Variants in SYNE1 observed in about 807,000 individuals in gnomAD.
SYNE1 encodes nesprin-1.
A neutral mutation model predicts 1,111.0 loss-of-function variants in SYNE1; 616 were observed. The ratio of observed to expected loss-of-function variants is 0.55; its 90% CI spans 0.52 to 0.59. The LOEUF (loss-of-function observed/expected upper bound fraction) is 0.59. SYNE1 is among the 20% of genes least tolerant of loss of function. SYNE1 has a pLI of 0.00. For missense variants in SYNE1, 10,006 were observed against 10,417.0 expected (o/e 0.96, Z 1.72); for synonymous variants, 3,855 against 3,825.8 (o/e 1.01, Z -0.28).
chr6:152,511,638 T>C (rs368029045), intron 6 of SYNE1: 1 of 1,575,104 alleles, frequency 6.3e-7, no homozygotes, highest in African/African-American at 1.4e-5. Flanking sequence ...ACATAAATCA[T>C]CTTTCAAAAT....
At chr6:152,447,722 G>C in intron 28 of SYNE1, 100 bp from the exon 29 acceptor site, 1 of 1,390,596 alleles carries the variant, frequency 7.2e-7, no homozygotes, top group Non-Finnish European at 1.0e-6. Context: ...AGGTGGAGCA[G>C]AATAGAGCCA....
rs774806488 is a variant in SYNE1 at position 152,520,411 on chromosome 6, A to G, written c.309+48T>C. 8.1e-5 allele frequency: 128 copies of G among 1,588,366 alleles called. 1 individual carries two copies. The Admixed American group carries it at 2.1e-3, about 26-fold the overall frequency. On this transcript the variant is annotated intron_variant, in intron 6 of 145. Transcript: ENST00000367255. ...AGGAGCCAATACTGAAAACATAAGT[A>G]TGCCCACACCTTCTTCCTTGGGCAT... is the stretch of plus-strand genomic sequence containing the variant.
At chr6:152,432,394 C>G (rs549921178) in intron 34 of SYNE1, among the ~76,000 whole-genome samples, 174 of 152,132 alleles carry the variant, frequency 1.1e-3, no homozygotes, top group Non-Finnish European at 1.9e-3. Context: ...CAGTGTATTC[C>G]ACTGTAACTT....
intron 104 of SYNE1, 90 bp downstream of exon 104, chr6:152,254,790 C>T (rs2090419499): frequency 8.3e-7 from 1 of 1,199,816 alleles, no homozygotes; most frequent in South Asian, 1.3e-5. Flanking sequence ...TTTAGAAAAA[C>T]AACAACCAGG....
At chr6:152,450,569 G>T in intron 27 of SYNE1, 56 bp downstream of exon 27, 2 of 1,401,924 alleles carry the variant, frequency 1.4e-6, no homozygotes, top group Non-Finnish European at 2.0e-6. Flanking sequence ...CATGATCTCC[G>T]AACTAACAGA....
intron 127 of SYNE1, 39 bp downstream of exon 127, chr6:152,201,785 C>G: frequency 6.2e-7 from 1 of 1,613,780 alleles, no homozygotes; most frequent in Non-Finnish European, 8.5e-7. Context: ...CCAGCAGAGG[C>G]ACACAGGTGA....
intron 131 of SYNE1, among the ~76,000 whole-genome samples, chr6:152,160,189 G>A (rs1484051642): frequency 1.3e-5 from 2 of 152,088 alleles, no homozygotes; most frequent in Non-Finnish European, 2.9e-5. Context: ...TGTATTTTTA[G>A]TAGAGACGGG....
At chr6:152,386,598 G>T (rs1252306365) in intron 54 of SYNE1, among the ~76,000 whole-genome samples, 1 of 152,096 alleles carries the variant, frequency 6.6e-6, no homozygotes, top group African/African-American at 2.4e-5. Flanking sequence ...GAATTGGAAA[G>T]ATATTTTTGA....
Position 152,218,348 on chromosome 6 carries a change from C to G in SYNE1, c.22100G>C (p.Trp7367Ser). ...TAGTATTTCTTCAGCTTCCACTATCCAGGCCTCCAAAGCTTCTAAACTCTT... is the reference window on the plus strand; with the variant it reads ...TAGTATTTCTTCAGCTTCCACTATCGAGGCCTCCAAAGCTTCTAAACTCTT... The part of the protein sequence containing the change: ...FAKSLEALEA[W>S]IVEAEEILQG... Residue 7367 changes from tryptophan to serine, a missense_variant, in exon 121 of 146, where the codon TGG (tryptophan) becomes TCG (serine). Trp to Ser is a radical substitution (Grantham distance 177). This residue lies in a region of SYNE1 where 2,182 missense variants were observed against 2,287.8 expected (regional missense o/e 0.95). Coordinates refer to ENST00000367255, the MANE Select transcript of SYNE1 (RefSeq NM_182961.4). 6.2e-7 allele frequency: 1 copy of G among 1,613,878 alleles called. No homozygotes were observed. Among genetic ancestry groups the G allele is most frequent in the Non-Finnish European group, 8.5e-7 (1 of 1,179,968 alleles).
intron 91 of SYNE1, among the ~76,000 whole-genome samples, chr6:152,303,991 A>C (rs1235584186): frequency 4.0e-5 from 6 of 151,032 alleles, no homozygotes; most frequent in Non-Finnish European, 5.9e-5. Flanking sequence ...GGAGCAAAAA[A>C]CAGTCCAGCA....
chr6:152,176,876 T>C (rs1468022859), intron 129 of SYNE1, among the ~76,000 whole-genome samples: 3 of 152,114 alleles, frequency 2.0e-5, no homozygotes, highest in East Asian at 3.9e-4. Context: ...GATTTTAATA[T>C]TGGAAAATTA....
intron 3 of SYNE1, among the ~76,000 whole-genome samples, chr6:152,604,938 A>T (rs2128701652): frequency 7.0e-6 from 1 of 142,058 alleles, no homozygotes; most frequent in African/African-American, 2.6e-5. Flanking sequence ...GTGAGACCCT[A>T]TCTCACAAAG....
intron 3 of SYNE1, among the ~76,000 whole-genome samples, chr6:152,625,047 G>GA (rs1472026412): frequency 6.6e-6 from 1 of 152,102 alleles, no homozygotes; most frequent in African/African-American, 2.4e-5. Flanking sequence ...TCTAGACAAA[G>GA]AAAAAGGATT....
rs768410684 is a variant in SYNE1 at position 152,455,977 on chromosome 6, A to G, written c.2636T>C (p.Val879Ala). The G allele has an allele frequency of 1.2e-6, 2 of 1,614,132 alleles. No individual in the cohort carries two copies. Among genetic ancestry groups the G allele is most frequent in the South Asian group, 1.1e-5 (1 of 91,080 alleles). Residue 879 changes from valine (V) to alanine (A), a missense_variant, in exon 23 of 146, where the codon GTT becomes GCT. By Grantham distance (64) the Val-to-Ala change is moderately conservative (BLOSUM62 0). Around this residue, in one of 7 missense-constraint regions of SYNE1, gnomAD observed 1,971 missense variants for 2,084.1 expected, o/e 0.95. Coordinates refer to ENST00000367255, the MANE Select transcript of SYNE1 (RefSeq NM_182961.4). ...GTTGCTCAAGGTCACAAACTTTTGA[A>G]CACTTTGACTGCCTTTCTCAATAAG... ...LTLIEKGSQSVQKFVTLSNVL... is the reference protein window; with the variant it reads ...LTLIEKGSQSAQKFVTLSNVL...
chr6:152,559,448 C>T (rs932167136), intron 3 of SYNE1, among the ~76,000 whole-genome samples: 6 of 151,748 alleles, frequency 4.0e-5, no homozygotes, highest in Non-Finnish European at 7.4e-5. Flanking sequence ...TCTTTTCTGA[C>T]CACAAAAAAA....
rs549669117 is a variant in SYNE1 at position 152,130,248 on chromosome 6, A to G, written c.26153+472T>C. Among the ~76,000 whole-genome samples the G allele has an allele frequency of 2.6e-5, 4 of 152,368 alleles. No individual in the cohort carries two copies. The East Asian group carries it at 7.7e-4, about 29-fold the overall frequency. On this transcript the variant is annotated intron_variant, in intron 145 of 145. Transcript: ENST00000367255. ...TTAGGACTTGCCATTTTGAGACTCCAAAACCCACAATCTGGATAAAACATG... is the reference window on the plus strand; with the variant it reads ...TTAGGACTTGCCATTTTGAGACTCCGAAACCCACAATCTGGATAAAACATG...
chr6:152,441,970 A>G, intron 31 of SYNE1, 105 bp downstream of exon 31: 1 of 1,352,742 alleles, frequency 7.4e-7, no homozygotes, highest in Non-Finnish European at 1.1e-6. Context: ...ACAGGGCTGA[A>G]ACATCAGAGG....
chr6:152,458,641 G>C, intron 22 of SYNE1, 116 bp downstream of exon 22: 3 of 1,110,620 alleles, frequency 2.7e-6, no homozygotes, highest in Non-Finnish European at 4.0e-6. Context: ...TGAGTTAGTA[G>C]TACTATTCTA....
At chr6:152,558,530 A>G (rs1322446440) in intron 3 of SYNE1, among the ~76,000 whole-genome samples, 1 of 152,336 alleles carries the variant, frequency 6.6e-6, no homozygotes, top group Admixed American at 6.5e-5. Context: ...CCAAAGGAGA[A>G]CAAGGATGGC....
Sources: allele counts gnomAD v4.1 joint callset (sites outside exome capture counted in the v4.1 genomes callset), GRCh38; gene constraint gnomAD v4.1.1; regional missense constraint gnomAD v4.1.1; transcripts MANE v1.5; gene names NCBI Gene and HGNC (gene_info 2026-07-23, HGNC 2026-07-21).